Variants in EBF3 observed in about 807,000 individuals in gnomAD.
EBF3 encodes transcription factor COE3.
Under a neutral mutation model 77.1 loss-of-function variants are expected in EBF3, and 18 were observed. The ratio of observed to expected loss-of-function variants is 0.23; its 90% confidence interval spans 0.16 to 0.35. The LOEUF is 0.35. Ranked by LOEUF, EBF3 falls within the 10% of genes least tolerant of loss-of-function variation. EBF3 has a pLI of 1.00. For missense variants in EBF3, 558 were observed against 860.0 expected (o/e 0.65, Z 4.39); for synonymous variants, 350 against 343.5 (o/e 1.02, Z -0.21).
chr10:129,950,075 T>C (rs1858554999), intron 6 of EBF3, among the ~76,000 whole-genome samples: 1 of 151,216 alleles, frequency 6.6e-6, no homozygotes, highest in Admixed American at 6.6e-5. Flanking sequence ...TGGAGCTGCC[T>C]GTCTGGGCAA....
chr10:129,866,772 G>T (rs11016984), intron 10 of EBF3, among the ~76,000 whole-genome samples: 1 of 152,178 alleles, frequency 6.6e-6, no homozygotes, highest in Non-Finnish European at 1.5e-5. Context: ...CATAGAGACC[G>T]GTGGACACAC....
chr10:129,907,868 A>G (rs750667623), intron 6 of EBF3, among the ~76,000 whole-genome samples: 7 of 152,226 alleles, frequency 4.6e-5, no homozygotes, highest in Non-Finnish European at 8.8e-5. Context: ...AATATAGATG[A>G]GACGGAGGCA....
At chr10:129,961,222 T>TGATG (rs1859495234) in intron 4 of EBF3, among the ~76,000 whole-genome samples, 1 of 152,226 alleles carries the variant, frequency 6.6e-6, no homozygotes, top group Non-Finnish European at 1.5e-5. Context: ...CACTTTCATT[T>TGATG]CTAAGTGTGA....
rs150717630 is a variant in EBF3 at position 129,861,923 on chromosome 10, C to T, written c.1039+5218G>A. Among the ~76,000 whole-genome samples the T allele has an allele frequency of 9.7e-3, 1,478 of 152,234 alleles. 58 individuals are homozygous for T. Among genetic ancestry groups the T allele is most frequent in the Admixed American group, 0.068 (1,041 of 15,278 alleles). Reference sequence around the variant, plus strand: ...GACAGCAAGCTGGGGCTGGCGTGGTCGAAGGGCACAGTCGACTCCGCAGTG... The same window carrying T: ...GACAGCAAGCTGGGGCTGGCGTGGTTGAAGGGCACAGTCGACTCCGCAGTG... On this transcript the variant is annotated intron_variant, in intron 10 of 16. Transcript: ENST00000440978. This position sits in a 1 kb window ranked among gnomAD's most constrained non-coding sequence, Gnocchi z 4.3.
intron 6 of EBF3, among the ~76,000 whole-genome samples, chr10:129,923,099 C>T (rs1256170825): frequency 1.3e-5 from 2 of 152,190 alleles, no homozygotes; most frequent in Non-Finnish European, 2.9e-5. Flanking sequence ...ATAAGAACAT[C>T]CTGTTGATAA....
chr10:129,868,002 G>A (rs1437195942), intron 8 of EBF3, 90 bp from the exon 9 acceptor site: 37 of 1,542,614 alleles, frequency 2.4e-5, no homozygotes, highest in Middle Eastern at 2.0e-4. Context: ...CGCGGCCACC[G>A]CGGGAGGAGA....
At chr10:129,955,383 T>A (rs953593547) in intron 6 of EBF3, among the ~76,000 whole-genome samples, 11 of 152,200 alleles carry the variant, frequency 7.2e-5, no homozygotes, top group Admixed American at 5.9e-4. Context: ...ATCCTCCTTA[T>A]TCAAATAAAC....
At position 129,863,969 on chromosome 10, in the gene EBF3, G is replaced by C. The variant is rs140531810; in HGVS notation, c.1039+3172C>G. Among the ~76,000 whole-genome samples, 1 of 152,300 alleles carries C rather than the reference G, an allele frequency of 6.6e-6. No homozygotes were observed. Among genetic ancestry groups the C allele is most frequent in the East Asian group, 1.9e-4 (1 of 5,180 alleles). On this transcript the variant is annotated intron_variant, in intron 10 of 16. Transcript: ENST00000440978. This position sits in a 1 kb window ranked among gnomAD's most constrained non-coding sequence, Gnocchi z 4.0. ...CCACTCATGGGAGCATGTCTCGATGGAGGAAATCCCTGAAGCTTCGGGCAG... is the reference window on the plus strand; with the variant it reads ...CCACTCATGGGAGCATGTCTCGATGCAGGAAATCCCTGAAGCTTCGGGCAG...
chr10:129,906,086 T>C (rs1479445281), intron 6 of EBF3, among the ~76,000 whole-genome samples: 8 of 152,204 alleles, frequency 5.3e-5, no homozygotes, highest in Non-Finnish European at 1.2e-4. Context: ...AGATTATAAT[T>C]TACACTGTAT....
chr10:129,900,856 G>C (rs1170716335), intron 6 of EBF3, among the ~76,000 whole-genome samples: 1 of 152,214 alleles, frequency 6.6e-6, no homozygotes, highest in East Asian at 1.9e-4. Flanking sequence ...CTCAGAGCAG[G>C]GTGACTGAGT....
At chr10:129,877,515 C>T (rs1165943957) in intron 7 of EBF3, among the ~76,000 whole-genome samples, 4 of 151,054 alleles carry the variant, frequency 2.6e-5, no homozygotes, top group Non-Finnish European at 5.9e-5. Context: ...TTCCACATGG[C>T]CATGTTTTCA....
rs150862970 is a variant in EBF3, at chr10:129,952,595, G to A, written c.554+4663C>T. On this transcript the variant is annotated intron_variant, in intron 6 of 16. Transcript: ENST00000440978. The surrounding 1 kb of genome is among the most constrained non-coding windows in gnomAD (Gnocchi z 4.7). ...AGCAGAGTTGGATTTAATCACGCTC[G>A]TGCAAAGCCATGAGGGAGGAAGCTT... 2.0e-5 allele frequency among the ~76,000 whole-genome samples: 3 copies of A among 152,216 alleles called. No individual in the cohort carries two copies. The highest frequency in any genetic ancestry group is 3.9e-4 in the East Asian group (2 of 5,178).
At chr10:129,951,998 G>A (rs572582202) in intron 6 of EBF3, among the ~76,000 whole-genome samples, 12 of 152,240 alleles carry the variant, frequency 7.9e-5, no homozygotes, top group East Asian at 1.9e-4. Context: ...ACCTGAGCCC[G>A]GCGAAGCCAA....
chr10:129,893,224 T>G (rs1249151666), intron 6 of EBF3, among the ~76,000 whole-genome samples: 2 of 152,182 alleles, frequency 1.3e-5, no homozygotes, highest in Admixed American at 1.3e-4. Flanking sequence ...AAGGAGTAAA[T>G]AAAGATTGGC....
chr10:129,852,764 C>A (rs570710242), intron 10 of EBF3, among the ~76,000 whole-genome samples: 2 of 152,346 alleles, frequency 1.3e-5, no homozygotes, highest in African/African-American at 4.8e-5. Flanking sequence ...CCAGTGAGCA[C>A]TTTCTACAAA....
rs1199541152 is a variant in EBF3 at position 129,897,032 on chromosome 10, CGCCAGCCTGATT to C, written c.555-19195_555-19184del. 6.6e-6 allele frequency among the ~76,000 whole-genome samples: 1 copy of C among 152,230 alleles called. No individual in the cohort carries two copies. Among genetic ancestry groups the C allele is most frequent in the Non-Finnish European group, 1.5e-5 (1 of 68,044 alleles). On this transcript the variant is annotated intron_variant, in intron 6 of 16. Transcript: ENST00000440978. This position sits in a 1 kb window ranked among gnomAD's most constrained non-coding sequence, Gnocchi z 4.6. ...CTAATCAAGCATCGAGGACAGGCAC[CGCCAGCCTGATT>C]GCCAGCCATGGCCATCTCACTGCAG...
At chr10:129,875,994 A>G (rs1253430794) in intron 7 of EBF3, among the ~76,000 whole-genome samples, 3 of 152,286 alleles carry the variant, frequency 2.0e-5, no homozygotes, top group East Asian at 3.8e-4. Context: ...GTTCCTAAAC[A>G]TGATAGGTTA....
intron 7 of EBF3, among the ~76,000 whole-genome samples, chr10:129,875,858 G>C (rs1852738854): frequency 6.6e-6 from 1 of 152,186 alleles, no homozygotes; most frequent in African/African-American, 2.4e-5. Context: ...GGTCACCCAG[G>C]TGCCCCCCTT....
intron 6 of EBF3, 122 bp from the exon 7 acceptor site, chr10:129,877,971 T>C (rs1852912347): frequency 4.1e-6 from 3 of 729,890 alleles, no homozygotes; most frequent in Non-Finnish European, 6.6e-6. Context: ...CACACTTCCC[T>C]CTAGGGGGCG....
Sources: allele counts gnomAD v4.1 joint callset (sites outside exome capture counted in the v4.1 genomes callset), GRCh38; gene constraint gnomAD v4.1.1; non-coding constraint Gnocchi (gnomAD v3.1); transcripts MANE v1.5; gene names NCBI Gene and HGNC (gene_info 2026-07-23, HGNC 2026-07-21).